The following PBX3 variants were observed in gnomAD, a reference collection of about 807,000 sequenced individuals.
PBX3 encodes pre-B-cell leukemia transcription factor 3.
In PBX3, 14 loss-of-function variants were observed where a neutral mutation model predicts 48.5. The ratio of observed to expected loss-of-function variants is 0.29; its 90% CI spans 0.19 to 0.45. The LOEUF (loss-of-function observed/expected upper bound fraction) is 0.45. PBX3 is among the 20% of genes least tolerant of loss of function. The pLI is 1.00. For missense variants in PBX3, 386 were observed against 546.7 expected (o/e 0.71, Z 2.93); for synonymous variants, 210 against 200.3 (o/e 1.05, Z -0.41).
At chr9:125,768,953 A>G (rs536739825) in intron 2 of PBX3, among the ~76,000 whole-genome samples, 41 of 152,368 alleles carry the variant, frequency 2.7e-4, no homozygotes, top group African/African-American at 9.6e-4. Context: ...ATAAGCTGAA[A>G]TAACCATAAT....
intron 2 of PBX3, among the ~76,000 whole-genome samples, chr9:125,851,892 A>G (rs1275594913): frequency 2.9e-5 from 4 of 139,900 alleles, no homozygotes; most frequent in Non-Finnish European, 4.6e-5. Flanking sequence ...TTTTTTTTAC[A>G]AAGAGGCAGC....
chr9:125,848,973 G>A (rs188993701), intron 2 of PBX3, among the ~76,000 whole-genome samples: 10 of 152,036 alleles, frequency 6.6e-5, no homozygotes, highest in African/African-American at 2.4e-4. Flanking sequence ...CACTTATAAT[G>A]TGCCAGGTAC....
chr9:125,939,758 C>A (rs1244416125), intron 5 of PBX3, among the ~76,000 whole-genome samples: 2 of 152,164 alleles, frequency 1.3e-5, no homozygotes, highest in Non-Finnish European at 2.9e-5. Context: ...AAAGAATGAT[C>A]TACAAGTATC....
chr9:125,949,351 A>G (rs1842138093), intron 5 of PBX3: 3 of 1,550,362 alleles, frequency 1.9e-6, no homozygotes, highest in South Asian at 1.2e-5. Flanking sequence ...CATCCATTCA[A>G]CCTACATTTT....
chr9:125,936,819 A>G (rs143900048), intron 5 of PBX3, among the ~76,000 whole-genome samples: 1 of 152,362 alleles, frequency 6.6e-6, no homozygotes, highest in African/African-American at 2.4e-5. Context: ...TTACCAGCTT[A>G]CATAGACATA....
intron 2 of PBX3, among the ~76,000 whole-genome samples, chr9:125,794,743 T>A (rs1837726862): frequency 7.0e-6 from 1 of 143,872 alleles, no homozygotes; most frequent in Admixed American, 7.1e-5. Flanking sequence ...ATAAAACAAA[T>A]AAAAACTCAG....
chr9:125,794,479 C>T (rs1837718490), intron 2 of PBX3, among the ~76,000 whole-genome samples: 1 of 152,034 alleles, frequency 6.6e-6, no homozygotes, highest in African/African-American at 2.4e-5. Flanking sequence ...GGAAACCTGA[C>T]TTTAGTTACT....
At chr9:125,920,377 C>A (rs975490462) in intron 3 of PBX3, among the ~76,000 whole-genome samples, 2 of 152,126 alleles carry the variant, frequency 1.3e-5, no homozygotes, top group Admixed American at 1.3e-4. Context: ...GCCAAGGTTC[C>A]TGGGAAGCCT....
rs72752612 is a variant in PBX3 at position 125,782,725 on chromosome 9, T to C, written c.274+34102T>C. 8.0e-3 allele frequency among the ~76,000 whole-genome samples: 1,217 copies of C among 152,342 alleles called. 16 individuals carry two copies. Among genetic ancestry groups the C allele is most frequent in the East Asian group, 0.018 (91 of 5,184 alleles). On this transcript the variant is annotated intron_variant, in intron 2 of 8. Coordinates refer to ENST00000373489, the MANE Select transcript of PBX3 (RefSeq NM_006195.6). ...CCCGAAGGACCCTTTTTAGCATTTC[T>C]TGTAGCGTAGGTAGGTCTACTAACA...
intron 2 of PBX3, among the ~76,000 whole-genome samples, chr9:125,756,099 T>G (rs1233109293): frequency 6.6e-6 from 1 of 152,118 alleles, no homozygotes; most frequent in Non-Finnish European, 1.5e-5. Flanking sequence ...GAAAACTATA[T>G]TAAATGAGTA....
chr9:125,963,191 C>T, intron 8 of PBX3, 90 bp downstream of exon 8: 1 of 639,486 alleles, frequency 1.6e-6, no homozygotes, highest in South Asian at 2.8e-5. Flanking sequence ...CCTGGCTTCT[C>T]ATCTTCTTGG....
intron 2 of PBX3, among the ~76,000 whole-genome samples, chr9:125,876,624 CAGTA>C (rs1840254913): frequency 6.6e-6 from 1 of 152,054 alleles, no homozygotes; most frequent in Non-Finnish European, 1.5e-5. Context: ...TTTCTGTTAT[CAGTA>C]AGGCTTCCAG....
chr9:125,847,369 T>C (rs1839453574), intron 2 of PBX3, among the ~76,000 whole-genome samples: 1 of 152,026 alleles, frequency 6.6e-6, no homozygotes, highest in African/African-American at 2.4e-5. Flanking sequence ...ACAGTTGAAA[T>C]GTCCAACAAT....
intron 2 of PBX3, among the ~76,000 whole-genome samples, chr9:125,805,863 C>T (rs1308321095): frequency 1.2e-4 from 19 of 152,126 alleles, no homozygotes; most frequent in Admixed American, 1.2e-3. Flanking sequence ...TATTAAGGTT[C>T]TGTGGTATGC....
At chr9:125,952,953 C>T (rs1033588497) in intron 5 of PBX3, among the ~76,000 whole-genome samples, 13 of 151,370 alleles carry the variant, frequency 8.6e-5, no homozygotes, top group Non-Finnish European at 1.3e-4. Flanking sequence ...TATATACCTA[C>T]ATCTATGTAT....
At chr9:125,799,241 C>G (rs1483789959) in intron 2 of PBX3, among the ~76,000 whole-genome samples, 4 of 152,164 alleles carry the variant, frequency 2.6e-5, no homozygotes, top group African/African-American at 9.7e-5. Flanking sequence ...CAGGCCGGTT[C>G]AGTGGTTCAG....
intron 2 of PBX3, among the ~76,000 whole-genome samples, chr9:125,797,038 A>G (rs1170986029): frequency 6.6e-6 from 1 of 152,128 alleles, no homozygotes; most frequent in Non-Finnish European, 1.5e-5. Flanking sequence ...CCCAGTTGCC[A>G]TTATGCTAAT....
intron 5 of PBX3, among the ~76,000 whole-genome samples, chr9:125,954,988 T>C (rs1338466996): frequency 1.3e-5 from 2 of 152,180 alleles, no homozygotes; most frequent in African/African-American, 2.4e-5. Context: ...TGTAGACTTA[T>C]GAAAAATTGT....
chr9:125,943,985 C>T (rs535780349), intron 5 of PBX3, among the ~76,000 whole-genome samples: 34 of 152,340 alleles, frequency 2.2e-4, no homozygotes, highest in African/African-American at 8.2e-4. Context: ...CCGCCAGTGC[C>T]TACTATTGGC....
Sources: gnomAD v4.1 joint callset for allele counts (sites outside exome capture counted in the v4.1 genomes callset) on GRCh38, gnomAD v4.1.1 for gene constraint, MANE v1.5 for transcripts, NCBI Gene and HGNC (gene_info 2026-07-23, HGNC 2026-07-21) for gene names.